Variants in DAGLA observed in about 807,000 individuals in gnomAD.
The protein encoded by DAGLA is diacylglycerol lipase alpha.
In DAGLA, 22 loss-of-function variants were observed where a neutral mutation model predicts 102.6. The observed-to-expected ratio is 0.21, with a 90% CI of 0.15 to 0.31. The LOEUF (loss-of-function observed/expected upper bound fraction) is 0.31. Ranked by LOEUF, DAGLA falls within the 10% of genes least tolerant of loss-of-function variation. DAGLA has a pLI of 1.00. For missense variants in DAGLA, 927 were observed against 1,446.6 expected (o/e 0.64, Z 5.83); for synonymous variants, 578 against 628.9 (o/e 0.92, Z 1.21).
chr11:61,728,113 GCT>G (rs2065345103), intron 6 of DAGLA, 38 bp from the exon 7 acceptor site: 1 of 1,611,436 alleles, frequency 6.2e-7, no homozygotes, highest in African/African-American at 1.3e-5. Context: ...CCTCTCTCCT[GCT>G]CCCCTGCCAC....
intron 10 of DAGLA, 96 bp downstream of exon 10, chr11:61,735,098 T>C: frequency 6.9e-7 from 1 of 1,439,418 alleles, no homozygotes; most frequent in Non-Finnish European, 9.5e-7. Flanking sequence ...GAGCCCTTGC[T>C]TGGCTGGTGC....
intron 1 of DAGLA, among the ~76,000 whole-genome samples, chr11:61,711,271 G>T (rs543448855): frequency 6.6e-6 from 1 of 152,164 alleles, no homozygotes; most frequent in African/African-American, 2.4e-5. Flanking sequence ...CTGCCCGGCC[G>T]CACCCATCAC....
chr11:61,721,083 C>T (rs2065278136), intron 3 of DAGLA, among the ~76,000 whole-genome samples, 193 bp downstream of exon 3: 1 of 152,210 alleles, frequency 6.6e-6, no homozygotes, highest in African/African-American at 2.4e-5. Flanking sequence ...CCAAATCCAG[C>T]CTGCTGTATG....
chr11:61,743,102 C>A (rs531533834), intron 19 of DAGLA, among the ~76,000 whole-genome samples: 1 of 152,140 alleles, frequency 6.6e-6, no homozygotes, highest in Non-Finnish European at 1.5e-5. Flanking sequence ...CGGTGGCTCA[C>A]GCCTGTAATC....
At chr11:61,743,485 C>T (rs774332133) in intron 19 of DAGLA, 47 bp from the exon 20 acceptor site, 3 of 1,442,360 alleles carry the variant, frequency 2.1e-6, no homozygotes, top group South Asian at 1.4e-5. Flanking sequence ...GTTCAGTCCC[C>T]TCTCCCTTCT....
chr11:61,714,632 G>A (rs2065222107), intron 1 of DAGLA, among the ~76,000 whole-genome samples: 1 of 152,242 alleles, frequency 6.6e-6, no homozygotes, highest in South Asian at 2.1e-4. Flanking sequence ...GAAGGGAGCA[G>A]GCTGGCTTGG....
At chr11:61,736,986 G>T (rs923522270) in intron 13 of DAGLA, among the ~76,000 whole-genome samples, 196 bp from the exon 14 acceptor site, 7 of 152,244 alleles carry the variant, frequency 4.6e-5, no homozygotes, top group African/African-American at 1.4e-4. Context: ...GTAAATAAGA[G>T]TTTATTAGAA....
At chr11:61,719,690 C>G (rs1048174468) in intron 1 of DAGLA, among the ~76,000 whole-genome samples, 3 of 152,244 alleles carry the variant, frequency 2.0e-5, no homozygotes, top group African/African-American at 4.8e-5. Context: ...TGGGCTTGTT[C>G]TTGGTCTGGG....
In DAGLA at chr11:61,728,103, C is replaced by G. The variant is rs200479050; in HGVS notation, c.637-50C>G. ...GGGGGATTTACTCCTGGCCTCTCGT[C>G]CTCTCTCCTGCTCCCCTGCCACTGC... On this transcript the variant is annotated intron_variant, in intron 6 of 19. Coordinates refer to ENST00000257215, the MANE Select transcript of DAGLA (RefSeq NM_006133.3). The G allele has an allele frequency of 3.1e-6, 5 of 1,608,234 alleles. No individual in the cohort carries two copies. The Admixed American group carries it at 6.7e-5, about 21-fold the overall frequency.
chr11:61,694,309 T>C (rs921595829), intron 1 of DAGLA, among the ~76,000 whole-genome samples: 33 of 152,210 alleles, frequency 2.2e-4, no homozygotes, highest in African/African-American at 6.8e-4. Context: ...ACCTCACCTG[T>C]GTGTTCCAGC....
At chr11:61,737,823 C>CAT in intron 15 of DAGLA, 68 bp downstream of exon 15, 1 of 1,311,130 alleles carries the variant, frequency 7.6e-7, no homozygotes, top group Admixed American at 1.7e-5. Context: ...CCTCTCCCCA[C>CAT]CCCCAGCCCC....
chr11:61,740,370 T>C, intron 17 of DAGLA, 93 bp from the exon 18 acceptor site: 1 of 1,497,746 alleles, frequency 6.7e-7, no homozygotes, highest in South Asian at 1.3e-5. Context: ...CCAGCTCTGC[T>C]GAGCAGGGCA....
intron 1 of DAGLA, among the ~76,000 whole-genome samples, chr11:61,714,860 T>C (rs755838116): frequency 3.3e-5 from 5 of 152,208 alleles, no homozygotes; most frequent in African/African-American, 4.8e-5. Flanking sequence ...CCTGGCCTCT[T>C]GATCCTCGGA....
chr11:61,731,501 GA>G, intron 9 of DAGLA, 60 bp downstream of exon 9: 1 of 1,601,024 alleles, frequency 6.2e-7, no homozygotes, highest in Non-Finnish European at 8.5e-7. Context: ...GGTGTGTGAG[GA>G]AGGGCTACCG....
chr11:61,746,343 G>C lies in DAGLA; in HGVS notation c.*1854G>C, dbSNP rs961503645. ...GTGGCTCTTAGAGTTTAGAAAACAA[G>C]ACAGACTCTCAGATGAAAGATCTGA... is the stretch of plus-strand genomic sequence containing the variant. On this transcript the variant is annotated 3_prime_UTR_variant, in exon 20 of 20. Transcript: ENST00000257215. 1 of 152,516 alleles carries C rather than the reference G, an allele frequency of 6.6e-6. No individual in the cohort carries two copies. The highest frequency in any genetic ancestry group is 2.4e-5 in the African/African-American group (1 of 41,468). 9.4% of individuals were successfully genotyped at this position (152,516 alleles called of 1,614,324 possible).
intron 19 of DAGLA, 150 bp downstream of exon 19, chr11:61,741,499 C>T (rs928296407): frequency 2.3e-6 from 2 of 882,810 alleles, no homozygotes; most frequent in Admixed American, 3.0e-5. Context: ...CTCTAGGGCT[C>T]TCTTGCTGTG....
intron 13 of DAGLA, 61 bp downstream of exon 13, chr11:61,736,411 C>A: frequency 1.5e-6 from 2 of 1,353,862 alleles, no homozygotes; most frequent in African/African-American, 1.4e-5. Flanking sequence ...TCCAACGCAG[C>A]ACAGAGAGGA....
intron 1 of DAGLA, among the ~76,000 whole-genome samples, chr11:61,692,195 C>T (rs2065030171): frequency 1.3e-5 from 2 of 152,200 alleles, no homozygotes; most frequent in African/African-American, 4.8e-5. Flanking sequence ...CATGAGCCGG[C>T]AGCTTCAGCA....
At position 61,720,217 on chromosome 11, in the gene DAGLA, C is replaced by T; in HGVS notation, c.62C>T (p.Pro21Leu). Reference protein sequence around the residue: ...WSVGSDDLVLPAIFLFLLHTT... With the variant: ...WSVGSDDLVLLAIFLFLLHTT... ...GTGGGCAGTGATGACCTCGTCCTAC[C>T]GGCCATCTTCCTCTTTCTCCTGCAT... Residue 21 changes from proline to leucine, a missense_variant, in exon 2 of 20, where the codon CCG (proline) becomes CTG (leucine). By Grantham distance (98) the Pro-to-Leu change is moderately conservative (BLOSUM62 -3). Transcript: ENST00000257215. 1 of 1,613,950 alleles carries T rather than the reference C, an allele frequency of 6.2e-7. No homozygotes were observed. The highest frequency in any genetic ancestry group is 8.5e-7 in the Non-Finnish European group (1 of 1,180,042).
Sources: gnomAD v4.1 joint callset for allele counts (sites outside exome capture counted in the v4.1 genomes callset) on GRCh38, gnomAD v4.1.1 for gene constraint, MANE v1.5 for transcripts, NCBI Gene and HGNC (gene_info 2026-07-23, HGNC 2026-07-21) for gene names.